The following WWOX variants were observed in gnomAD, a reference collection of about 807,000 sequenced individuals.
WWOX encodes WW domain containing oxidoreductase.
In WWOX, 69 loss-of-function variants were observed where a neutral mutation model predicts 46.2. That is an observed-to-expected ratio of 1.49 (90% CI 1.23 to 1.82). WWOX has a LOEUF of 1.82. Ranked by LOEUF, WWOX falls within the 40% of genes most tolerant of loss-of-function variation. The pLI is 0.00. For missense variants in WWOX, 919 were observed against 542.6 expected, an observed-to-expected ratio of 1.69 and a Z score of -6.89; for synonymous variants, 359 against 202.6, an observed-to-expected ratio of 1.77 and a Z score of -6.56.
At chr16:78,724,951 G>A (rs2048790226) in intron 8 of WWOX, among the ~76,000 whole-genome samples, 1 of 152,164 alleles carries the variant, frequency 6.6e-6, no homozygotes, top group Admixed American at 6.5e-5. Context: ...GTATTTTACA[G>A]GTGCTTGTTG....
chr16:79,057,457 C>A (rs2048283727), intron 8 of WWOX, among the ~76,000 whole-genome samples: 1 of 152,182 alleles, frequency 6.6e-6, no homozygotes, highest in South Asian at 2.1e-4. Context: ...TCTCAGGCTC[C>A]TTCTCATTAG....
chr16:78,994,969 C>CTTTTTTTTTTTTTTTTTTTTTTTT (rs869088414), intron 8 of WWOX, among the ~76,000 whole-genome samples: 7 of 114,644 alleles, frequency 6.1e-5, no homozygotes, highest in Non-Finnish European at 1.0e-4. Context: ...TCTTCTTCTT[C>CTTTTTTTTTTTTTTTTTTTTTTTT]TTTTTTTTTT....
intron 8 of WWOX, among the ~76,000 whole-genome samples, chr16:78,760,354 G>A (rs907086143): frequency 1.3e-5 from 2 of 152,190 alleles, no homozygotes; most frequent in African/African-American, 4.8e-5. Context: ...TTCAATATGA[G>A]ATTTGGATGG....
At chr16:79,067,077 A>G (rs951035979) in intron 8 of WWOX, among the ~76,000 whole-genome samples, 2 of 152,144 alleles carry the variant, frequency 1.3e-5, no homozygotes, top group Non-Finnish European at 2.9e-5. Context: ...GGTGGTTATT[A>G]GTGAGGTCTC....
chr16:79,114,725 C>A (rs890576942), intron 8 of WWOX, among the ~76,000 whole-genome samples: 1 of 152,132 alleles, frequency 6.6e-6, no homozygotes, highest in Non-Finnish European at 1.5e-5. Context: ...AACACAGCAT[C>A]CCCTGTCAAC....
intron 8 of WWOX, among the ~76,000 whole-genome samples, chr16:79,054,706 G>A (rs532254861): frequency 1.2e-4 from 19 of 152,216 alleles, no homozygotes; most frequent in African/African-American, 4.6e-4. Context: ...GTGTCTGTAA[G>A]TCCTAGCTAC....
At chr16:78,643,095 C>G (rs1305197184) in intron 8 of WWOX, among the ~76,000 whole-genome samples, 1 of 152,150 alleles carries the variant, frequency 6.6e-6, no homozygotes, top group Non-Finnish European at 1.5e-5. Flanking sequence ...AAGGTGCTCT[C>G]CATTGTTTAC....
At chr16:78,458,115 G>C (rs762776425) in intron 8 of WWOX, among the ~76,000 whole-genome samples, 1 of 151,864 alleles carries the variant, frequency 6.6e-6, no homozygotes, top group Non-Finnish European at 1.5e-5. Context: ...CCTGGAGTTC[G>C]TATCCCCTTG....
chr16:78,360,026 C>T (rs539271351), intron 5 of WWOX, among the ~76,000 whole-genome samples: 1 of 152,208 alleles, frequency 6.6e-6, no homozygotes, highest in East Asian at 1.9e-4. Flanking sequence ...TTTCAGGAAA[C>T]AAACTTTTTA....
At chr16:78,792,505 C>A (rs1463776851) in intron 8 of WWOX, among the ~76,000 whole-genome samples, 1 of 152,170 alleles carries the variant, frequency 6.6e-6, no homozygotes, top group Non-Finnish European at 1.5e-5. Context: ...AAAGGTGCTG[C>A]AAGTCTGCAC....
At chr16:78,299,484 G>A (rs2080002228) in intron 5 of WWOX, among the ~76,000 whole-genome samples, 1 of 151,314 alleles carries the variant, frequency 6.6e-6, no homozygotes, top group East Asian at 1.9e-4. Context: ...GTTGAGCTGT[G>A]ATTTCAAATT....
rs200291960 is a variant in WWOX, at chr16:78,401,013, TCTC to T, written c.605+14068_605+14070del. ...AATTTTTATTTTTGTAGAGACGAGG[TCTC>T]CTTGTGTTGTCCAGGCTGGTCTCAA... On this transcript the variant is annotated intron_variant, in intron 6 of 8. Coordinates refer to ENST00000566780, the MANE Select transcript of WWOX (RefSeq NM_016373.4). 2.9e-3 allele frequency among the ~76,000 whole-genome samples: 434 copies of T among 152,192 alleles called. 12 individuals are homozygous for T. Among genetic ancestry groups the T allele is most frequent in the Admixed American group, 0.022 (341 of 15,282 alleles).
chr16:78,187,145 A>G (rs759719717), intron 5 of WWOX, among the ~76,000 whole-genome samples: 2 of 152,226 alleles, frequency 1.3e-5, no homozygotes, highest in Non-Finnish European at 2.9e-5. Context: ...GTTATATCTT[A>G]ACCAGGTTAA....
At chr16:78,937,637 A>T (rs1016569066) in intron 8 of WWOX, among the ~76,000 whole-genome samples, 1 of 149,208 alleles carries the variant, frequency 6.7e-6, no homozygotes, top group Non-Finnish European at 1.5e-5. Flanking sequence ...TTATTTATTT[A>T]TTTATGAGAC....
intron 5 of WWOX, among the ~76,000 whole-genome samples, chr16:78,293,192 T>C (rs894297571): frequency 6.6e-6 from 1 of 152,230 alleles, no homozygotes; most frequent in Non-Finnish European, 1.5e-5. Flanking sequence ...CCACACCTCT[T>C]TGAGCCACTA....
intron 8 of WWOX, among the ~76,000 whole-genome samples, chr16:78,726,182 C>T (rs1444992330): frequency 6.9e-6 from 1 of 145,934 alleles, no homozygotes; most frequent in South Asian, 2.2e-4. Flanking sequence ...TTTTCTCTCT[C>T]TCTCTCTTTC....
chr16:79,140,366 G>T (rs759908904), intron 8 of WWOX, among the ~76,000 whole-genome samples: 1 of 152,070 alleles, frequency 6.6e-6, no homozygotes, highest in South Asian at 2.1e-4. Context: ...GAATTGAATC[G>T]AACTTCCACC....
intron 5 of WWOX, among the ~76,000 whole-genome samples, chr16:78,285,354 A>C (rs1162869020): frequency 2.0e-5 from 3 of 152,124 alleles, no homozygotes; most frequent in Non-Finnish European, 2.9e-5. Flanking sequence ...CTGAGGCAGG[A>C]GGATCACTTG....
chr16:78,876,501 G>A (rs2044237139), intron 8 of WWOX, among the ~76,000 whole-genome samples: 1 of 151,012 alleles, frequency 6.6e-6, no homozygotes, highest in Non-Finnish European at 1.5e-5. Flanking sequence ...AGTTTCAAGG[G>A]TAAGATCTGC....
Sources: gnomAD v4.1 joint callset for allele counts (sites outside exome capture counted in the v4.1 genomes callset) on GRCh38, gnomAD v4.1.1 for gene constraint, MANE v1.5 for transcripts, NCBI Gene and HGNC (gene_info 2026-07-23, HGNC 2026-07-21) for gene names.